UBAC2: variants seen among roughly 807,000 people sequenced by gnomAD.
UBAC2 encodes ubiquitin-associated domain-containing protein 2.
UBAC2 carries 26 observed loss-of-function variants against 44.0 expected under a neutral mutation model. The ratio of observed to expected loss-of-function variants is 0.59; its 90% CI spans 0.43 to 0.82. The LOEUF (loss-of-function observed/expected upper bound fraction) is 0.82, where lower values mean the gene tolerates loss of function less well. Among genes scored for constraint, UBAC2 ranks in the 40% least tolerant of loss-of-function variants. The pLI, the probability that UBAC2 is intolerant of heterozygous loss-of-function variation, is 0.00. For missense variants in UBAC2, 329 were observed against 419.4 expected (o/e 0.78, Z 1.88); for synonymous variants, 155 against 154.3 (o/e 1.00, Z -0.04).
At chr13:99,268,127 A>G (rs2043767154) in intron 4 of UBAC2, among the ~76,000 whole-genome samples, 1 of 152,172 alleles carries the variant, frequency 6.6e-6, no homozygotes. Flanking sequence ...ATTGGCAAGA[A>G]CTTGGTCACG....
chr13:99,326,950 C>A (rs2044647788), intron 6 of UBAC2, among the ~76,000 whole-genome samples: 2 of 152,292 alleles, frequency 1.3e-5, no homozygotes, highest in South Asian at 2.1e-4. Flanking sequence ...CTGAAAAACA[C>A]AATCGACAAC....
intron 4 of UBAC2, among the ~76,000 whole-genome samples, chr13:99,267,142 C>T (rs1321839923): frequency 2.6e-5 from 4 of 151,786 alleles, no homozygotes; most frequent in African/African-American, 9.7e-5. Context: ...AGAATCTTTT[C>T]ATGGGCTTCT....
At chr13:99,333,270 A>G (rs757360538) in intron 6 of UBAC2, among the ~76,000 whole-genome samples, 2 of 152,240 alleles carry the variant, frequency 1.3e-5, no homozygotes, top group Non-Finnish European at 2.9e-5. Flanking sequence ...AGCACTTTAT[A>G]TTTTAATCCT....
chr13:99,340,173 TG>T, intron 6 of UBAC2, 146 bp from the exon 7 acceptor site: 1 of 754,914 alleles, frequency 1.3e-6, no homozygotes, highest in Non-Finnish European at 2.1e-6. Flanking sequence ...TTCTGCAGTG[TG>T]GTAGAGGATT....
chr13:99,214,611 C>T (rs2042970664), intron 1 of UBAC2, among the ~76,000 whole-genome samples: 1 of 152,088 alleles, frequency 6.6e-6, no homozygotes, highest in East Asian at 1.9e-4. Flanking sequence ...TTATTACCCT[C>T]CTTGTCCGTT....
intron 6 of UBAC2, among the ~76,000 whole-genome samples, chr13:99,319,800 G>A (rs776437016): frequency 5.3e-5 from 8 of 152,202 alleles, no homozygotes; most frequent in Non-Finnish European, 1.2e-4. Flanking sequence ...ACTCCCCCAA[G>A]TCTAGGCTCA....
chr13:99,202,907 G>T (rs2042822475), intron 1 of UBAC2, among the ~76,000 whole-genome samples: 1 of 152,202 alleles, frequency 6.6e-6, no homozygotes, highest in Non-Finnish European at 1.5e-5. Flanking sequence ...TTACAGTGCT[G>T]ACGGAGCTTA....
intron 4 of UBAC2, chr13:99,255,141 G>A (rs1244354451): frequency 1.9e-6 from 3 of 1,614,010 alleles, no homozygotes; most frequent in Middle Eastern, 1.6e-4. Context: ...AGGGCATAAA[G>A]CAGACGAGCA....
At chr13:99,375,699 T>C (rs1395215882) in intron 8 of UBAC2, among the ~76,000 whole-genome samples, 2 of 152,198 alleles carry the variant, frequency 1.3e-5, no homozygotes, top group Non-Finnish European at 2.9e-5. Context: ...GAAATCTCAT[T>C]GGAATGAATG....
chr13:99,356,443 A>C (rs374452807), intron 7 of UBAC2, among the ~76,000 whole-genome samples: 10 of 152,212 alleles, frequency 6.6e-5, no homozygotes, highest in African/African-American at 2.4e-4. Flanking sequence ...AACAGGATGT[A>C]TTGTGTCTCC....
intron 6 of UBAC2, among the ~76,000 whole-genome samples, chr13:99,338,071 T>TTTTTTTTTTTTTTTTTA (rs1555330450): frequency 1.5e-4 from 16 of 105,134 alleles, no homozygotes; most frequent in Non-Finnish European, 2.5e-4. Flanking sequence ...TTTTTTTTTT[T>TTTTTTTTTTTTTTTTTA]TTTTGAGACA....
chr13:99,344,063 T>C (rs1331367661), intron 7 of UBAC2, among the ~76,000 whole-genome samples: 2 of 152,352 alleles, frequency 1.3e-5, no homozygotes, highest in East Asian at 3.9e-4. Context: ...CATGTTTCAC[T>C]CTTTATCAGT....
At chr13:99,220,223 G>C (rs897472374) in intron 1 of UBAC2, among the ~76,000 whole-genome samples, 1 of 152,108 alleles carries the variant, frequency 6.6e-6, no homozygotes, top group Non-Finnish European at 1.5e-5. Flanking sequence ...TTATAGTCAG[G>C]CAGAACCAAG....
chr13:99,357,561 C>T (rs534429267), intron 7 of UBAC2, among the ~76,000 whole-genome samples: 1 of 152,336 alleles, frequency 6.6e-6, no homozygotes, highest in South Asian at 2.1e-4. Context: ...TTCATACTTA[C>T]ACCAAAAGCT....
chr13:99,215,541 G>T, intron 1 of UBAC2: 1 of 1,472,248 alleles, frequency 6.8e-7, no homozygotes, highest in South Asian at 1.1e-5. Context: ...GTCTTTTGAT[G>T]CATTTCCTGC....
chr13:99,298,902 C>A (rs1332857430), intron 4 of UBAC2, among the ~76,000 whole-genome samples: 2 of 152,006 alleles, frequency 1.3e-5, no homozygotes, highest in Admixed American at 6.6e-5. Flanking sequence ...TTTCTAAGTT[C>A]TTTGAAAATG....
chr13:99,267,943 C>T (rs542984350), intron 4 of UBAC2, among the ~76,000 whole-genome samples: 2 of 152,164 alleles, frequency 1.3e-5, no homozygotes, highest in South Asian at 2.1e-4. Flanking sequence ...ACCGGTAAGT[C>T]GTCAAGGGCC....
intron 1 of UBAC2, among the ~76,000 whole-genome samples, chr13:99,216,922 T>C (rs1211156479): frequency 6.6e-6 from 1 of 151,232 alleles, no homozygotes; most frequent in Non-Finnish European, 1.5e-5. Flanking sequence ...ACTCTGCCTC[T>C]TGGGTTCAAG....
rs778809881 is a variant in UBAC2 at position 99,201,613 on chromosome 13, C to T, written c.31+674C>T. ...ACAGCCAGTTAAACGGCTTTTCTCA[C>T]TGAGTGTGTGGAATTGACTTTCGGT... is the stretch of plus-strand genomic sequence containing the variant. On this transcript the variant is annotated intron_variant, in intron 1 of 8. Coordinates refer to ENST00000403766, the MANE Select transcript of UBAC2 (RefSeq NM_001144072.2). 2.6e-5 allele frequency: 41 copies of T among 1,605,804 alleles called. No individual in the cohort carries two copies. The South Asian group carries it at 4.3e-4, about 17-fold the overall frequency.
Sources: gnomAD v4.1 joint callset for allele counts (sites outside exome capture counted in the v4.1 genomes callset) on GRCh38, gnomAD v4.1.1 for gene constraint, MANE v1.5 for transcripts, NCBI Gene and HGNC (gene_info 2026-07-23, HGNC 2026-07-21) for gene names.